TMEM132B: variants seen among roughly 807,000 people sequenced by gnomAD.
TMEM132B encodes the protein transmembrane protein 132B.
TMEM132B carries 18 observed loss-of-function variants against 90.8 expected under a neutral mutation model. That is an observed-to-expected ratio of 0.20 (90% confidence interval 0.14 to 0.29). The LOEUF (loss-of-function observed/expected upper bound fraction) is 0.29, where lower values mean the gene tolerates loss of function less well. TMEM132B is among the 10% of genes least tolerant of loss of function. The probability of loss-of-function intolerance (pLI) is 1.00; values close to 1 mark genes in which losing one functional copy is unlikely to be tolerated. For synonymous variants in TMEM132B, 504 were observed against 523.3 expected, an observed-to-expected ratio of 0.96 and a Z score of 0.50; for missense variants, 1,096 against 1,326.8, an observed-to-expected ratio of 0.83 and a Z score of 2.70.
At chr12:125,527,007 T>TACCCTTCCATCCACCCATCC (rs1259281268) in intron 4 of TMEM132B, among the ~76,000 whole-genome samples, 3 of 104,644 alleles carry the variant, frequency 2.9e-5, no homozygotes, top group Non-Finnish European at 5.7e-5. Flanking sequence ...TCCAATCATT[T>TACCCTTCCATCCACCCATCC]ACCCTTCCAT....
chr12:125,411,598 C>A (rs1289319838), intron 2 of TMEM132B, among the ~76,000 whole-genome samples: 4 of 152,122 alleles, frequency 2.6e-5, no homozygotes, highest in African/African-American at 9.7e-5. Context: ...GGTTCCCTGC[C>A]TCTGGGAAGG....
chr12:125,614,320 G>T (rs946650377), intron 5 of TMEM132B, among the ~76,000 whole-genome samples: 4 of 152,062 alleles, frequency 2.6e-5, no homozygotes, highest in Non-Finnish European at 5.9e-5. Flanking sequence ...TTATGTCCAC[G>T]TGTGCTCAAT....
At chr12:125,317,817 G>A (rs551432011) in intron 1 of TMEM132B, among the ~76,000 whole-genome samples, 1 of 152,142 alleles carries the variant, frequency 6.6e-6, no homozygotes, top group Non-Finnish European at 1.5e-5. Flanking sequence ...ATCTTTCTCT[G>A]TAAGGGTGTT....
chr12:125,366,411 C>T (rs1472545362), intron 2 of TMEM132B, among the ~76,000 whole-genome samples: 1 of 152,144 alleles, frequency 6.6e-6, no homozygotes, highest in East Asian at 1.9e-4. Flanking sequence ...TCTCAGCATC[C>T]TCACCAGCAT....
intron 3 of TMEM132B, among the ~76,000 whole-genome samples, chr12:125,483,178 G>A (rs1054901731): frequency 6.6e-6 from 1 of 151,846 alleles, no homozygotes; most frequent in African/African-American, 2.4e-5. Flanking sequence ...AAACCAACAC[G>A]GCACATGTAT....
chr12:125,303,445 G>A (rs1248085989), intron 1 of TMEM132B, among the ~76,000 whole-genome samples: 1 of 152,180 alleles, frequency 6.6e-6, no homozygotes, highest in African/African-American at 2.4e-5. Context: ...GCTGCTGTGA[G>A]CATTCATGGC....
intron 1 of TMEM132B, among the ~76,000 whole-genome samples, chr12:125,336,099 A>C (rs1472901293): frequency 6.6e-6 from 1 of 152,196 alleles, no homozygotes; most frequent in Non-Finnish European, 1.5e-5. Flanking sequence ...GACACAGAAG[A>C]GCTCCATCAC....
chr12:125,300,127 C>T (rs893972380), intron 1 of TMEM132B, among the ~76,000 whole-genome samples: 18 of 152,322 alleles, frequency 1.2e-4, no homozygotes, highest in African/African-American at 4.1e-4. Flanking sequence ...CCTTTCTTCA[C>T]GATCACCCCA....
chr12:125,650,417 A>G (rs1192066984), intron 6 of TMEM132B, among the ~76,000 whole-genome samples: 1 of 152,180 alleles, frequency 6.6e-6, no homozygotes, highest in Non-Finnish European at 1.5e-5. Context: ...CAGGACGCCA[A>G]GACCAGAGCC....
At chr12:125,542,985 C>T (rs895210794) in intron 4 of TMEM132B, among the ~76,000 whole-genome samples, 3 of 152,188 alleles carry the variant, frequency 2.0e-5, no homozygotes, top group Non-Finnish European at 4.4e-5. Context: ...ATGAGAAATG[C>T]ATATTTCAGA....
chr12:125,482,494 A>G (rs1292830493), intron 3 of TMEM132B, among the ~76,000 whole-genome samples: 1 of 152,252 alleles, frequency 6.6e-6, no homozygotes, highest in Non-Finnish European at 1.5e-5. Context: ...GCCAACAGAC[A>G]CATGGAAAAA....
chr12:125,478,324 T>C (rs1054575199), intron 3 of TMEM132B, among the ~76,000 whole-genome samples: 3 of 152,256 alleles, frequency 2.0e-5, no homozygotes. Flanking sequence ...CTCTGAGCTA[T>C]AGGAGGATGT....
chr12:125,326,591 G>A (rs770787048), intron 1 of TMEM132B: 14 of 1,595,146 alleles, frequency 8.8e-6, no homozygotes, highest in Non-Finnish European at 1.2e-5. Context: ...TGAAGATTTG[G>A]TGCCCTCGCC....
intron 2 of TMEM132B, 55 bp downstream of exon 2, chr12:125,350,398 A>G (rs1444423080): frequency 2.6e-6 from 4 of 1,525,754 alleles, no homozygotes; most frequent in South Asian, 1.3e-5. Context: ...GTAATCAATG[A>G]ATTGTCAATG....
intron 1 of TMEM132B, among the ~76,000 whole-genome samples, chr12:125,298,525 T>C (rs1875727483): frequency 6.6e-6 from 1 of 150,592 alleles, no homozygotes; most frequent in East Asian, 2.0e-4. Context: ...AATACAAAAA[T>C]TAGCTTGGTG....
intron 2 of TMEM132B, among the ~76,000 whole-genome samples, chr12:125,354,805 T>C (rs1269329710): frequency 6.6e-6 from 1 of 152,242 alleles, no homozygotes; most frequent in Non-Finnish European, 1.5e-5. Context: ...TATGTGTTAA[T>C]TGATACTGTT....
At chr12:125,483,892 G>C (rs1188992946) in intron 3 of TMEM132B, among the ~76,000 whole-genome samples, 1 of 152,166 alleles carries the variant, frequency 6.6e-6, no homozygotes, top group Non-Finnish European at 1.5e-5. Flanking sequence ...CTTCCTATGG[G>C]TCAGAGGTTG....
chr12:125,650,732 G>A lies in TMEM132B; in HGVS notation c.1693G>A (p.Gly565Ser). ...GGACGATGAGGAGAAGAAGGGACGA[G>A]GCTGCTCCCTGCAGTACCAGCACGC... ...DEDDEEKKGRGCSLQYQHATV... is the reference protein window; with the variant it reads ...DEDDEEKKGRSCSLQYQHATV... Residue 565 changes from glycine (G) to serine (S), a missense_variant, in exon 7 of 9, where the codon GGC becomes AGC. Physicochemically the swap from Gly to Ser is moderately conservative, Grantham distance 56. Transcript: ENST00000682704. 1 of 1,614,056 alleles carries A rather than the reference G, an allele frequency of 6.2e-7. No individual in the cohort carries two copies. The highest frequency in any genetic ancestry group is 8.5e-7 in the Non-Finnish European group (1 of 1,179,888).
chr12:125,470,251 T>G (rs960549623), intron 3 of TMEM132B, among the ~76,000 whole-genome samples: 6 of 152,162 alleles, frequency 3.9e-5, no homozygotes, highest in African/African-American at 1.2e-4. Context: ...TAAGGCCCAC[T>G]CTTTCTCAAG....
Sources: allele counts gnomAD v4.1 joint callset (sites outside exome capture counted in the v4.1 genomes callset), GRCh38; gene constraint gnomAD v4.1.1; transcripts MANE v1.5; gene names NCBI Gene and HGNC (gene_info 2026-07-23, HGNC 2026-07-21).